Variants in CFAP58 observed in about 807,000 individuals in gnomAD.
The protein encoded by CFAP58 is cilia- and flagella-associated protein 58.
CFAP58 carries 88 observed loss-of-function variants against 119.5 expected under a neutral mutation model. The ratio of observed to expected loss-of-function variants is 0.74; its 90% confidence interval spans 0.62 to 0.88. The LOEUF (loss-of-function observed/expected upper bound fraction) is 0.88, where lower values mean the gene tolerates loss of function less well. Among genes scored for constraint, CFAP58 ranks in the 40% least tolerant of loss-of-function variants. The pLI is 0.00. For missense variants in CFAP58, 990 were observed against 1,021.2 expected (o/e 0.97, Z 0.42); for synonymous variants, 365 against 366.3 (o/e 1.00, Z 0.04).
intron 15 of CFAP58, 68 bp downstream of exon 15, chr10:104,406,861 T>C: frequency 1.6e-6 from 2 of 1,214,036 alleles, no homozygotes; most frequent in Non-Finnish European, 2.4e-6. Flanking sequence ...ACTACGTTCT[T>C]AGAATTAGTT....
chr10:104,350,621 G>A (rs182806789), upstream of CFAP58, among the ~76,000 whole-genome samples: 3 of 152,254 alleles, frequency 2.0e-5, no homozygotes, highest in East Asian at 1.9e-4. Context: ...CCTCCTATAA[G>A]TAAGGTCTCA....
At chr10:104,406,061 C>T (rs906212434) in intron 14 of CFAP58, among the ~76,000 whole-genome samples, 1 of 152,178 alleles carries the variant, frequency 6.6e-6, no homozygotes, top group Non-Finnish European at 1.5e-5. Context: ...CGCACCACTG[C>T]ACTCCAGCCT....
At chr10:104,452,481 G>C (rs2133104174) in intron 17 of CFAP58, among the ~76,000 whole-genome samples, 1 of 152,212 alleles carries the variant, frequency 6.6e-6, no homozygotes, top group Non-Finnish European at 1.5e-5. Context: ...CCTGGGGTTT[G>C]GCCTAGTCTT....
intron 7 of CFAP58, among the ~76,000 whole-genome samples, chr10:104,375,624 G>A (rs1374249011): frequency 1.3e-5 from 2 of 152,160 alleles, no homozygotes; most frequent in African/African-American, 2.4e-5. Context: ...ACCATGGCCC[G>A]TGACACAGAC....
the CFAP58 span, among the ~76,000 whole-genome samples, chr10:104,344,908 G>A: frequency 5.9e-5 from 9 of 152,042 alleles, no homozygotes; most frequent in Non-Finnish European, 1.3e-4. Context: ...AGCACTTTGG[G>A]AGGCCAAGGT....
intron 11 of CFAP58, 45 bp from the exon 12 acceptor site, chr10:104,399,315 G>T: frequency 6.2e-7 from 1 of 1,606,046 alleles, no homozygotes; most frequent in Non-Finnish European, 8.5e-7. Flanking sequence ...CCTGGTTTGT[G>T]CTGTAACGAA....
At chr10:104,417,615 T>C (rs2012574372) in intron 15 of CFAP58, among the ~76,000 whole-genome samples, 1 of 152,208 alleles carries the variant, frequency 6.6e-6, no homozygotes. Context: ...TGTTTGATGG[T>C]AGCACAGATA....
chr10:104,411,074 G>C (rs911049285), intron 15 of CFAP58, among the ~76,000 whole-genome samples: 3 of 152,032 alleles, frequency 2.0e-5, no homozygotes, highest in Non-Finnish European at 1.5e-5. Flanking sequence ...TGAGTAGCTG[G>C]GATTACAGGC....
chr10:104,439,365 CTATAA>C (rs2012995808), intron 15 of CFAP58, among the ~76,000 whole-genome samples: 1 of 151,970 alleles, frequency 6.6e-6, no homozygotes, highest in Admixed American at 6.6e-5. Context: ...TCAAATTATA[CTATAA>C]TATAATGTTG....
Position 104,382,179 on chromosome 10 carries a change from T to C in CFAP58, c.1365+1959T>C, listed in dbSNP as rs750039726. The C allele has an allele frequency of 5.6e-6, 4 of 717,392 alleles. No individual in the cohort carries two copies. The South Asian group carries it at 5.9e-5, about 11-fold the overall frequency. The allele number at this position is 717,392 out of a possible 1,614,324, so 44.4% of individuals were successfully genotyped here. On this transcript the variant is annotated intron_variant, in intron 9 of 17. Transcript: ENST00000369704. Reference sequence around the variant, plus strand: ...TGGACAAAGGGAAATGGTGAAACAGTGGACCCTCAGGGAGCTTCTGAGCCT... The same window carrying C: ...TGGACAAAGGGAAATGGTGAAACAGCGGACCCTCAGGGAGCTTCTGAGCCT...
chr10:104,371,196 A>C, intron 7 of CFAP58, 142 bp downstream of exon 7: 53 of 577,770 alleles, frequency 9.2e-5, no homozygotes, highest in East Asian at 2.9e-4. Flanking sequence ...TAAACAGTCA[A>C]TATGGGGTGG....
At chr10:104,346,633 CTTTTTTTTTTT>C in the CFAP58 span, among the ~76,000 whole-genome samples, 3 of 101,112 alleles carry the variant, frequency 3.0e-5, no homozygotes, top group African/African-American at 1.3e-4. Context: ...GCCATTTAGT[CTTTTTTTTTTT>C]TTTTTTTTTG....
chr10:104,362,167 A>G lies in CFAP58; in HGVS notation c.436A>G (p.Ser146Gly). Residue 146 changes from serine (S) to glycine (G), a missense_variant, in exon 3 of 18, where the codon AGC becomes GGC. Ser to Gly is a moderately conservative substitution (Grantham distance 56). Transcript: ENST00000369704. ...QGSGLSMDQH[S>G]NIRDLLRFKE... ...GTCTGGACTGTCAATGGACCAGCATAGCAAGTAGGTCATAGCCTTGTTGAT... is the reference window on the plus strand; with the variant it reads ...GTCTGGACTGTCAATGGACCAGCATGGCAAGTAGGTCATAGCCTTGTTGAT... 3 of 1,611,906 alleles carry G rather than the reference A, an allele frequency of 1.9e-6. No homozygotes were observed. The highest frequency in any genetic ancestry group is 2.5e-6 in the Non-Finnish European group (3 of 1,179,154).
intron 8 of CFAP58, among the ~76,000 whole-genome samples, chr10:104,378,868 ACC>A (rs779832003): frequency 2.6e-4 from 39 of 151,914 alleles, no homozygotes; most frequent in Non-Finnish European, 5.4e-4. Context: ...TGGGCAGCCA[ACC>A]CAAGATGTTT....
At chr10:104,404,913 AT>A (rs1324968001) in intron 14 of CFAP58, among the ~76,000 whole-genome samples, 9 of 151,918 alleles carry the variant, frequency 5.9e-5, no homozygotes, top group Admixed American at 5.2e-4. Flanking sequence ...TTTCATTTTA[AT>A]TTTTTTTCTT....
the CFAP58 span, among the ~76,000 whole-genome samples, chr10:104,345,717 A>AT: frequency 2.0e-5 from 3 of 152,014 alleles, no homozygotes; most frequent in Non-Finnish European, 4.4e-5. Context: ...ACTGGGTAAG[A>AT]TTTTTTGGAT....
intron 15 of CFAP58, among the ~76,000 whole-genome samples, chr10:104,425,086 C>T (rs930410654): frequency 6.6e-6 from 1 of 152,152 alleles, no homozygotes; most frequent in African/African-American, 2.4e-5. Flanking sequence ...GGTTGCTGTG[C>T]TCATCAGATG....
intron 15 of CFAP58, among the ~76,000 whole-genome samples, chr10:104,420,539 T>A (rs2012638764): frequency 6.6e-6 from 1 of 152,166 alleles, no homozygotes. Context: ...TATCAGATAC[T>A]ATGCTTATTA....
At position 104,376,818 on chromosome 10, in the gene CFAP58, G is replaced by A. The variant is rs1473713917; in HGVS notation, c.1098G>A (p.Glu366=). ...TTCTCCCTGGGGATTCAGAGGTAGAGGCTTCAAAGAAACAAGCAGAACTTG... is the reference window on the plus strand; with the variant it reads ...TTCTCCCTGGGGATTCAGAGGTAGAAGCTTCAAAGAAACAAGCAGAACTTG... ...NQIVGLEREV[E]ASKKQAELDR... Residue 366 remains glutamate, a synonymous_variant, in exon 8 of 18, where the codon GAG becomes GAA. Transcript: ENST00000369704. 3 of 1,613,072 alleles carry A rather than the reference G, an allele frequency of 1.9e-6. No individual in the cohort carries two copies. Among genetic ancestry groups the A allele is most frequent in the East Asian group, 2.2e-5 (1 of 44,816 alleles).
Sources: gnomAD v4.1 joint callset for allele counts (sites outside exome capture counted in the v4.1 genomes callset) on GRCh38, gnomAD v4.1.1 for gene constraint, MANE v1.5 for transcripts, NCBI Gene and HGNC (gene_info 2026-07-23, HGNC 2026-07-21) for gene names.